The following CA5A variants were observed in gnomAD, a reference collection of about 807,000 sequenced individuals.
CA5A encodes carbonic anhydrase 5A, also known as carbonic anhydrase 5A, mitochondrial.
Under a neutral mutation model 37.1 loss-of-function variants are expected in CA5A, and 28 were observed. The ratio of observed to expected loss-of-function variants is 0.75; its 90% CI spans 0.56 to 1.03. CA5A has a LOEUF of 1.03. CA5A is among the 50% of genes least tolerant of loss of function. The pLI, the probability that CA5A is intolerant of heterozygous loss-of-function variation, is 0.00. For missense variants in CA5A, 444 were observed against 399.9 expected (o/e 1.11, Z -0.94); for synonymous variants, 171 against 158.4 (o/e 1.08, Z -0.60).
At chr16:87,918,380 T>G (rs1597575334) in intron 2 of CA5A, among the ~76,000 whole-genome samples, 3 of 146,502 alleles carry the variant, frequency 2.0e-5, no homozygotes, top group South Asian at 2.4e-4. Flanking sequence ...CCTCTCCCCC[T>G]TCCCTCCTCC....
At chr16:87,931,853 A>G (rs1364510250) in intron 1 of CA5A, among the ~76,000 whole-genome samples, 2 of 152,212 alleles carry the variant, frequency 1.3e-5, no homozygotes, top group African/African-American at 2.4e-5. Context: ...CGGCCACAAC[A>G]GGGGCCTCTG....
In CA5A at chr16:87,915,877, T is replaced by A. The variant is rs1334285836; in HGVS notation, c.340+10871A>T. Among the ~76,000 whole-genome samples, 6 of 152,028 alleles carry A rather than the reference T, an allele frequency of 3.9e-5. No individual in the cohort carries two copies. The South Asian group carries it at 1.0e-3, about 26-fold the overall frequency. ...TTAATAAGAAACAACAGTGTATTAG[T>A]CTGTTTTCATGCTGCTGATAAAGCC... is the stretch of plus-strand genomic sequence containing the variant. On this transcript the variant is annotated intron_variant, in intron 2 of 6. Coordinates refer to ENST00000649794, the MANE Select transcript of CA5A (RefSeq NM_001739.2).
chr16:87,910,193 C>T (rs538635841), intron 2 of CA5A, among the ~76,000 whole-genome samples: 47 of 152,342 alleles, frequency 3.1e-4, no homozygotes, highest in Middle Eastern at 3.4e-3. Flanking sequence ...TCTGCCGTGT[C>T]CCGGGCACCA....
intron 2 of CA5A, among the ~76,000 whole-genome samples, chr16:87,920,297 TTTTG>T (rs749848902): frequency 3.7e-4 from 56 of 152,218 alleles, no homozygotes; most frequent in South Asian, 4.1e-4. Flanking sequence ...AGTCACTGTT[TTTTG>T]TTTGTTTGTT....
At chr16:87,908,362 T>C (rs556026304) in intron 2 of CA5A, among the ~76,000 whole-genome samples, 143 of 152,278 alleles carry the variant, frequency 9.4e-4, no homozygotes, top group Middle Eastern at 6.8e-3. Flanking sequence ...TAAAGTGTTG[T>C]CTGATGATGG....
chr16:87,898,136 T>G (rs1180293923), intron 5 of CA5A, among the ~76,000 whole-genome samples: 1 of 152,052 alleles, frequency 6.6e-6, no homozygotes, highest in East Asian at 1.9e-4. Flanking sequence ...CTCTGCCGAG[T>G]CAGTCCCACA....
chr16:87,925,818 C>A (rs924895629), intron 2 of CA5A, among the ~76,000 whole-genome samples: 1 of 152,154 alleles, frequency 6.6e-6, no homozygotes. Context: ...CACCCCGTCC[C>A]TCCACCACCG....
At chr16:87,910,554 G>A (rs2056035761) in intron 2 of CA5A, among the ~76,000 whole-genome samples, 3 of 152,088 alleles carry the variant, frequency 2.0e-5, no homozygotes, top group Admixed American at 6.6e-5. Context: ...ATTTAAGGCT[G>A]CAGACCTGGA....
At chr16:87,891,255 G>T (rs1386670478) in intron 6 of CA5A, among the ~76,000 whole-genome samples, 1 of 151,616 alleles carries the variant, frequency 6.6e-6, no homozygotes, top group African/African-American at 2.4e-5. Flanking sequence ...ATCACCTGAG[G>T]TCAAGAGTTC....
At chr16:87,901,579 T>C (rs2055878807) in intron 5 of CA5A, among the ~76,000 whole-genome samples, 1 of 78,478 alleles carries the variant, frequency 1.3e-5, no homozygotes, top group Non-Finnish European at 2.6e-5. Context: ...TACTGATTTC[T>C]TTCTTTTCTT....
At chr16:87,905,760 G>T (rs1021769936) in intron 2 of CA5A, among the ~76,000 whole-genome samples, 17 of 152,210 alleles carry the variant, frequency 1.1e-4, no homozygotes, top group African/African-American at 2.9e-4. Flanking sequence ...GCTTTTATTG[G>T]AACACTCCTT....
intron 2 of CA5A, chr16:87,924,232 C>T (rs1235332117): frequency 2.0e-6 from 2 of 985,328 alleles, no homozygotes; most frequent in Admixed American, 6.1e-5. Context: ...CTGCTGCTGG[C>T]ACTCAGCAAG....
intron 2 of CA5A, among the ~76,000 whole-genome samples, 191 bp downstream of exon 2, chr16:87,926,557 C>T (rs2056313902): frequency 6.6e-6 from 1 of 152,242 alleles, no homozygotes; most frequent in African/African-American, 2.4e-5. Flanking sequence ...GAGCACCAGG[C>T]TCCTGTCCCC....
intron 5 of CA5A, among the ~76,000 whole-genome samples, chr16:87,897,130 C>T (rs545381883): frequency 1.4e-3 from 209 of 152,378 alleles, no homozygotes; most frequent in African/African-American, 4.9e-3. Flanking sequence ...GGTGCTGCCG[C>T]TGCTGCTGCC....
At chr16:87,920,874 A>T (rs893427580) in intron 2 of CA5A, among the ~76,000 whole-genome samples, 50 of 151,808 alleles carry the variant, frequency 3.3e-4, no homozygotes, top group African/African-American at 1.1e-3. Flanking sequence ...GCTGACCGCA[A>T]CCTCCACCTA....
intron 2 of CA5A, among the ~76,000 whole-genome samples, chr16:87,917,720 C>CACATGCACACATGTATACACA (rs1567530460): frequency 3.7e-4 from 28 of 75,898 alleles, no homozygotes; most frequent in Admixed American, 1.3e-3. Context: ...CACATGAACA[C>CACATGCACACATGTATACACA]GTGCACACAC....
At chr16:87,919,418 T>C (rs1160663111) in intron 2 of CA5A, among the ~76,000 whole-genome samples, 2 of 152,142 alleles carry the variant, frequency 1.3e-5, no homozygotes, top group African/African-American at 4.8e-5. Context: ...GAATCAGCCA[T>C]GGGATGGTGG....
At chr16:87,925,246 G>A (rs1183262295) in intron 2 of CA5A, among the ~76,000 whole-genome samples, 3 of 152,184 alleles carry the variant, frequency 2.0e-5, no homozygotes, top group Non-Finnish European at 4.4e-5. Context: ...CCAGCACAGA[G>A]CCACCCTCAG....
chr16:87,918,258 C>T (rs554960323), intron 2 of CA5A, among the ~76,000 whole-genome samples: 50 of 152,214 alleles, frequency 3.3e-4, no homozygotes, highest in Non-Finnish European at 5.1e-4. Context: ...TGGGCCCTCC[C>T]GCACCTTTAG....
Sources: gnomAD v4.1 joint callset for allele counts (sites outside exome capture counted in the v4.1 genomes callset) on GRCh38, gnomAD v4.1.1 for gene constraint, MANE v1.5 for transcripts, NCBI Gene and HGNC (gene_info 2026-07-23, HGNC 2026-07-21) for gene names.